Variants in KIF21A observed in about 807,000 individuals in gnomAD.
KIF21A encodes kinesin family member 21A.
A neutral mutation model predicts 202.9 loss-of-function variants in KIF21A; 114 were observed. The ratio of observed to expected loss-of-function variants is 0.56; its 90% CI spans 0.48 to 0.66. The LOEUF (loss-of-function observed/expected upper bound fraction) is 0.66. Among genes scored for constraint, KIF21A ranks in the 30% least tolerant of loss-of-function variants. KIF21A has a pLI of 0.00. For missense variants in KIF21A, 1,677 were observed against 1,994.9 expected (o/e 0.84, Z 3.04); for synonymous variants, 667 against 670.8 (o/e 0.99, Z 0.09).
At chr12:39,382,368 C>A (rs1950667784) in intron 1 of KIF21A, among the ~76,000 whole-genome samples, 1 of 152,004 alleles carries the variant, frequency 6.6e-6, no homozygotes, top group African/African-American at 2.4e-5. Flanking sequence ...ATAAGATGAT[C>A]CTAAGGTTCT....
Position 39,318,206 on chromosome 12 carries a change from A to C in KIF21A, c.3780-5T>G, listed in dbSNP as rs760352308. 6.2e-6 allele frequency: 10 copies of C among 1,612,668 alleles called. No individual in the cohort carries two copies. Among genetic ancestry groups the C allele is most frequent in the Non-Finnish European group, 8.5e-6 (10 of 1,178,908 alleles). On this transcript the variant is annotated splice_polypyrimidine_tract_variant and splice_region_variant and intron_variant, in intron 28 of 37. Coordinates refer to ENST00000361418, the MANE Select transcript of KIF21A (RefSeq NM_001173464.2). ...TCTGAAGTTCCAGAATCTGAGCTAC[A>C]AGAAAAAAAGAACATTAAGTAGGTG...
intron 36 of KIF21A, among the ~76,000 whole-genome samples, chr12:39,302,431 A>T (rs1405199833): frequency 1.3e-5 from 2 of 152,178 alleles, no homozygotes; most frequent in African/African-American, 4.8e-5. Context: ...AAAGAATTTC[A>T]TCTGTTAACT....
intron 35 of KIF21A, 70 bp from the exon 36 acceptor site, chr12:39,303,205 A>G: frequency 3.1e-6 from 4 of 1,278,070 alleles, no homozygotes; most frequent in Non-Finnish European, 3.4e-6. Context: ...GTACAGTCCT[A>G]GAAACACATA....
chr12:39,386,311 G>C lies in KIF21A; in HGVS notation c.45-16050C>G, dbSNP rs553863562. 2.0e-5 allele frequency among the ~76,000 whole-genome samples: 3 copies of C among 152,266 alleles called. No individual in the cohort carries two copies. The South Asian group carries it at 6.2e-4, about 32-fold the overall frequency. On this transcript the variant is annotated intron_variant, in intron 1 of 37. Coordinates refer to ENST00000361418, the MANE Select transcript of KIF21A (RefSeq NM_001173464.2). The stretch of plus-strand genomic sequence containing the variant: ...GTGCACTATTCCAGATCATGTGAAT[G>C]GGGGTAATACCTGAGGGATGGTGAA...
At chr12:39,362,629 C>T (rs372596480) in intron 7 of KIF21A, among the ~76,000 whole-genome samples, 1 of 150,228 alleles carries the variant, frequency 6.7e-6, no homozygotes, top group African/African-American at 2.5e-5. Flanking sequence ...GATTTTTCCA[C>T]GTATAAAAAA....
rs76933393 is a variant in KIF21A, at chr12:39,383,177, A to G, written c.45-12916T>C. On this transcript the variant is annotated intron_variant, in intron 1 of 37. Coordinates refer to ENST00000361418, the MANE Select transcript of KIF21A (RefSeq NM_001173464.2). ...TTTGACAAATGTGCAAAATGCACTT[A>G]ATCCTCTTCTTGAATTGAAGGTCAA... 3.5e-3 allele frequency among the ~76,000 whole-genome samples: 534 copies of G among 152,356 alleles called. 6 individuals are homozygous for G. Among genetic ancestry groups the G allele is most frequent in the African/African-American group, 0.013 (525 of 41,592 alleles).
rs1214030423 is a variant in KIF21A, at chr12:39,374,844, GA to G, written c.45-4584del. Among the ~76,000 whole-genome samples the G allele has an allele frequency of 2.6e-5, 4 of 152,048 alleles. No homozygotes were observed. The East Asian group carries it at 7.7e-4, about 29-fold the overall frequency. ...AATTCTATTTTAATTAATCCTTCAA[GA>G]AAAACAAACCAAAGTTTCCCTATGC... On this transcript the variant is annotated intron_variant, in intron 1 of 37. Coordinates refer to ENST00000361418, the MANE Select transcript of KIF21A (RefSeq NM_001173464.2).
intron 30 of KIF21A, 100 bp downstream of exon 30, chr12:39,315,832 G>A (rs1292898290): frequency 1.2e-6 from 1 of 817,050 alleles, no homozygotes; most frequent in African/African-American, 1.7e-5. Context: ...TACAACAAGT[G>A]ATGCATGCAA....
intron 1 of KIF21A, among the ~76,000 whole-genome samples, chr12:39,403,525 T>C (rs80254551): frequency 0.035 from 5,390 of 152,296 alleles, 332 homozygotes; most frequent in African/African-American, 0.12. Flanking sequence ...TCAAGACTTA[T>C]GTTCTAGTGA....
chr12:39,356,513 C>A, intron 10 of KIF21A: 1 of 219,268 alleles, frequency 4.6e-6, no homozygotes, highest in Non-Finnish European at 8.9e-6. Flanking sequence ...GGGGAAGAGG[C>A]ATACGAAGGA....
At chr12:39,429,122 A>G (rs1954988130) in intron 1 of KIF21A, among the ~76,000 whole-genome samples, 1 of 152,150 alleles carries the variant, frequency 6.6e-6, no homozygotes, top group African/African-American at 2.4e-5. Flanking sequence ...ATATTAAGCA[A>G]TATATTTAAG....
At chr12:39,360,368 G>A (rs1949115382) in intron 7 of KIF21A, among the ~76,000 whole-genome samples, 1 of 150,884 alleles carries the variant, frequency 6.6e-6, no homozygotes, top group Admixed American at 6.6e-5. Context: ...GTTAGCAGTA[G>A]TTACTTCTAG....
chr12:39,380,296 T>C (rs11830525), intron 1 of KIF21A, among the ~76,000 whole-genome samples: 7,373 of 152,170 alleles, frequency 0.048, 617 homozygotes, highest in African/African-American at 0.17. Flanking sequence ...GCACTACCAC[T>C]GTGTGATCAT....
At chr12:39,358,417 T>C (rs1365638169) in intron 7 of KIF21A, 44 bp from the exon 8 acceptor site, 1 of 1,492,370 alleles carries the variant, frequency 6.7e-7, no homozygotes, top group African/African-American at 1.4e-5. Flanking sequence ...TAAAAGCACC[T>C]AAAATGCTAA....
intron 11 of KIF21A, among the ~76,000 whole-genome samples, chr12:39,351,472 A>G (rs1212809120): frequency 6.6e-6 from 1 of 152,132 alleles, no homozygotes; most frequent in African/African-American, 2.4e-5. Context: ...GCTTTGCTGA[A>G]AAGCAAAATG....
intron 1 of KIF21A, among the ~76,000 whole-genome samples, chr12:39,406,484 A>G (rs571565416): frequency 6.6e-6 from 1 of 152,324 alleles, no homozygotes; most frequent in East Asian, 1.9e-4. Context: ...TTAATGTCCA[A>G]TCAATGCTTA....
chr12:39,348,004 T>G (rs1343822878), intron 11 of KIF21A, among the ~76,000 whole-genome samples: 1 of 152,082 alleles, frequency 6.6e-6, no homozygotes, highest in East Asian at 1.9e-4. Flanking sequence ...GATTCCCTCA[T>G]GAAGAACCCA....
intron 29 of KIF21A, 142 bp from the exon 30 acceptor site, chr12:39,316,112 C>A: frequency 1.4e-6 from 1 of 719,026 alleles, no homozygotes; most frequent in South Asian, 1.5e-5. Flanking sequence ...TTTCTACTTG[C>A]ACTGGATATT....
chr12:39,371,818 A>C (rs915206781), intron 1 of KIF21A, among the ~76,000 whole-genome samples: 8 of 151,824 alleles, frequency 5.3e-5, no homozygotes, highest in African/African-American at 1.9e-4. Flanking sequence ...AATCCCAGCT[A>C]CTCAAGAGGC....
Sources: gnomAD v4.1 joint callset for allele counts (sites outside exome capture counted in the v4.1 genomes callset) on GRCh38, gnomAD v4.1.1 for gene constraint, MANE v1.5 for transcripts, NCBI Gene and HGNC (gene_info 2026-07-23, HGNC 2026-07-21) for gene names.